The following ANKS1B variants were observed in gnomAD, a reference collection of about 807,000 sequenced individuals.
The protein encoded by ANKS1B is ankyrin repeat and sterile alpha motif domain containing 1B, also known as ankyrin repeat and sterile alpha motif domain-containing protein 1B.
In ANKS1B, 36 loss-of-function variants were observed where a neutral mutation model predicts 148.3. The observed-to-expected ratio is 0.24, with a 90% CI of 0.19 to 0.32. The LOEUF is 0.32. Among genes scored for constraint, ANKS1B ranks in the 10% least tolerant of loss-of-function variants. The pLI is 1.00. For synonymous variants in ANKS1B, 542 were observed against 560.8 expected (o/e 0.97, Z 0.47); for missense variants, 1,157 against 1,542.6 (o/e 0.75, Z 4.19).
Position 99,910,108 on chromosome 12 carries a change from C to T in ANKS1B, c.134+73996G>A, listed in dbSNP as rs536477263. On this transcript the variant is annotated intron_variant, in intron 1 of 26. Transcript: ENST00000683438. ...GAATAAAGGGCCAGACGTGGTGGCT[C>T]ACGCCTGTAATCCCAGCACTTTGGG... 7.2e-4 allele frequency among the ~76,000 whole-genome samples: 110 copies of T among 152,190 alleles called. 1 individual carries two copies. Among genetic ancestry groups the T allele is most frequent in the African/African-American group, 2.6e-3 (110 of 41,540 alleles).
At chr12:98,885,138 T>A (rs1269405500) in intron 17 of ANKS1B, among the ~76,000 whole-genome samples, 2 of 152,164 alleles carry the variant, frequency 1.3e-5, no homozygotes, top group Non-Finnish European at 2.9e-5. Flanking sequence ...CAGAATCTGA[T>A]TTAAGATGGA....
chr12:99,038,334 C>T (rs568708466), intron 17 of ANKS1B, among the ~76,000 whole-genome samples: 2 of 152,256 alleles, frequency 1.3e-5, no homozygotes, highest in South Asian at 4.1e-4. Flanking sequence ...ATCCTTAATT[C>T]CTTTGATTTA....
intron 17 of ANKS1B, among the ~76,000 whole-genome samples, chr12:98,859,135 TG>T (rs1482740797): frequency 6.6e-6 from 1 of 152,354 alleles, no homozygotes; most frequent in African/African-American, 2.4e-5. Context: ...ACACAAGTGC[TG>T]GGTTCCAGAA....
chr12:99,398,459 C>T (rs985378847), intron 12 of ANKS1B, among the ~76,000 whole-genome samples: 3 of 152,092 alleles, frequency 2.0e-5, no homozygotes, highest in African/African-American at 7.2e-5. Context: ...TTTGAATTCA[C>T]TGAATGAATG....
chr12:99,905,880 G>A (rs1418334949), intron 1 of ANKS1B, among the ~76,000 whole-genome samples: 2 of 152,122 alleles, frequency 1.3e-5, no homozygotes, highest in Non-Finnish European at 2.9e-5. Flanking sequence ...TAAGGTAGAT[G>A]GGGTTAGGAG....
chr12:99,144,022 CTG>C (rs974423869), intron 15 of ANKS1B, among the ~76,000 whole-genome samples: 1 of 152,040 alleles, frequency 6.6e-6, no homozygotes, highest in Non-Finnish European at 1.5e-5. Flanking sequence ...CCTTGTAAAA[CTG>C]GAATAATACT....
rs772874054 is a variant in ANKS1B at position 99,157,596 on chromosome 12, G to GA, written c.2420-3202dup. ...GAGAGAGGGAAAGAGGGAGAGGGAA[G>GA]AAAAAATGTGTGTGTGCACAAAACA... On this transcript the variant is annotated intron_variant, in intron 14 of 26. Transcript: ENST00000683438. Among the ~76,000 whole-genome samples, 118 of 152,044 alleles carry GA rather than the reference G, an allele frequency of 7.8e-4. 1 individual carries two copies. The highest frequency in any genetic ancestry group is 1.6e-3 in the Admixed American group (24 of 15,274).
chr12:99,268,184 C>T (rs1300028708), intron 12 of ANKS1B, among the ~76,000 whole-genome samples: 2 of 152,186 alleles, frequency 1.3e-5, no homozygotes, highest in African/African-American at 4.8e-5. Flanking sequence ...ATCATTCTTT[C>T]ATTTAAGAAC....
intron 1 of ANKS1B, among the ~76,000 whole-genome samples, chr12:99,950,616 T>C (rs929951618): frequency 1.1e-4 from 16 of 152,194 alleles, no homozygotes; most frequent in African/African-American, 3.9e-4. Context: ...ATTTGCTTAG[T>C]TTTTCATTTA....
Position 99,984,238 on chromosome 12 carries a change from A to C in ANKS1B, c.-1T>G. Reference sequence around the variant, plus strand: ...CCAGCAGCTCCTGGTCCTTCCCCATAGTCTCTCACCGACTCCCCCACAGAG... The same window carrying C: ...CCAGCAGCTCCTGGTCCTTCCCCATCGTCTCTCACCGACTCCCCCACAGAG... On this transcript the variant is annotated 5_prime_UTR_variant, in exon 1 of 27. Transcript: ENST00000683438. The C allele has an allele frequency of 6.2e-7, 1 of 1,612,290 alleles. No homozygotes were observed.
At chr12:99,838,285 A>C (rs894457716) in intron 1 of ANKS1B, among the ~76,000 whole-genome samples, 2 of 152,184 alleles carry the variant, frequency 1.3e-5, no homozygotes, top group Non-Finnish European at 2.9e-5. Flanking sequence ...TTGGATAGAT[A>C]CCCAGTCGTG....
intron 12 of ANKS1B, among the ~76,000 whole-genome samples, chr12:99,265,332 C>T (rs973148359): frequency 5.3e-5 from 8 of 152,162 alleles, no homozygotes; most frequent in African/African-American, 1.9e-4. Flanking sequence ...ACTAGAAATG[C>T]ATATTCTTAG....
At chr12:99,615,487 G>A (rs1435477732) in intron 9 of ANKS1B, among the ~76,000 whole-genome samples, 2 of 151,966 alleles carry the variant, frequency 1.3e-5, no homozygotes, top group Non-Finnish European at 2.9e-5. Context: ...TAATGTTCTG[G>A]TTTGGGAGTC....
chr12:99,854,036 A>C (rs1417099945), intron 1 of ANKS1B, among the ~76,000 whole-genome samples: 1 of 152,060 alleles, frequency 6.6e-6, no homozygotes, highest in Non-Finnish European at 1.5e-5. Flanking sequence ...TTTGAGACGG[A>C]GTCTCGCTCT....
intron 15 of ANKS1B, among the ~76,000 whole-genome samples, chr12:99,141,890 CTTTCCCATGGAGCAAGTT>C (rs1367266140): frequency 2.0e-5 from 3 of 151,994 alleles, no homozygotes; most frequent in Non-Finnish European, 4.4e-5. Flanking sequence ...TAACTGATAA[CTTTCCCATGGAGCAAGTT>C]TTTCCCATGG....
At chr12:99,207,817 T>C (rs1190192547) in intron 14 of ANKS1B, among the ~76,000 whole-genome samples, 1 of 152,122 alleles carries the variant, frequency 6.6e-6, no homozygotes, top group Non-Finnish European at 1.5e-5. Flanking sequence ...CTAAGTAGAA[T>C]GACTAGTTTT....
intron 1 of ANKS1B, among the ~76,000 whole-genome samples, chr12:99,908,315 C>T (rs1235821120): frequency 1.3e-5 from 2 of 152,082 alleles, no homozygotes; most frequent in Admixed American, 1.3e-4. Context: ...CATGGTGGCT[C>T]ATACCTGTAA....
In ANKS1B at chr12:99,757,871, T is replaced by A. The variant is rs2061714017; in HGVS notation, c.1128+15051A>T. Among the ~76,000 whole-genome samples the A allele has an allele frequency of 4.6e-5, 7 of 151,892 alleles. 1 individual carries two copies. The South Asian group carries it at 1.5e-3, about 31-fold the overall frequency. ...ACCAAATACCACATATTCTCACTTG[T>A]AAGTGGGAGCTAAGTGATGAGAACA... On this transcript the variant is annotated intron_variant, in intron 8 of 26. Coordinates refer to ENST00000683438, the MANE Select transcript of ANKS1B (RefSeq NM_001352186.2).
At chr12:99,186,832 T>C (rs1261515009) in intron 14 of ANKS1B, among the ~76,000 whole-genome samples, 1 of 151,966 alleles carries the variant, frequency 6.6e-6, no homozygotes, top group Non-Finnish European at 1.5e-5. Flanking sequence ...CAAAGGATCA[T>C]AACTCCTCGC....
Sources: allele counts gnomAD v4.1 joint callset (sites outside exome capture counted in the v4.1 genomes callset), GRCh38; gene constraint gnomAD v4.1.1; transcripts MANE v1.5; gene names NCBI Gene and HGNC (gene_info 2026-07-23, HGNC 2026-07-21).